The following PLAGL1 variants were observed in gnomAD, a reference collection of about 807,000 sequenced individuals.
PLAGL1 encodes zinc finger protein PLAGL1.
In PLAGL1, 1 loss-of-function variant was observed where a neutral mutation model predicts 4.6. That is an observed-to-expected ratio of 0.22 (90% CI 0.08 to 1.03). The LOEUF (loss-of-function observed/expected upper bound fraction) is 1.03, where lower values mean the gene tolerates loss of function less well. Ranked by LOEUF, PLAGL1 falls within the 50% of genes least tolerant of loss-of-function variation. PLAGL1 has a pLI of 0.58. For synonymous variants in PLAGL1, 240 were observed against 237.8 expected (o/e 1.01, Z -0.08); for missense variants, 464 against 570.4 (o/e 0.81, Z 1.90).
In PLAGL1 at chr6:143,962,889, G is replaced by A. The variant is rs6910132; in HGVS notation, c.-399+1898C>T. 0.043 allele frequency among the ~76,000 whole-genome samples: 6,479 copies of A among 152,276 alleles called. 448 individuals are homozygous for A. Among genetic ancestry groups the A allele is most frequent in the African/African-American group, 0.15 (6,137 of 41,524 alleles). Reference sequence around the variant, plus strand: ...TGAAAGAATCCTCTAGGCTGAAGATGTACAAGGTTTGTTTTTGAAAAGCCT... The same window carrying A: ...TGAAAGAATCCTCTAGGCTGAAGATATACAAGGTTTGTTTTTGAAAAGCCT... On this transcript the variant is annotated intron_variant, in intron 5 of 7. Coordinates refer to ENST00000674357, the MANE Select transcript of PLAGL1 (RefSeq NM_001317162.2). This position sits in a 1 kb window ranked among gnomAD's most constrained non-coding sequence, Gnocchi z 5.3.
At chr6:144,017,188 T>A (rs1795622339) in intron 1 of PLAGL1, among the ~76,000 whole-genome samples, 1 of 152,230 alleles carries the variant, frequency 6.6e-6, no homozygotes, top group African/African-American at 2.4e-5. Context: ...TAAAAACCTG[T>A]ATACATATGT....
In PLAGL1 at chr6:143,941,646, G is replaced by A. The variant is rs17847331; in HGVS notation, c.1170C>T (p.Pro390=). The A allele has an allele frequency of 6.2e-7, 1 of 1,614,048 alleles. No homozygotes were observed. The highest frequency in any genetic ancestry group is 8.5e-7 in the Non-Finnish European group (1 of 1,180,034). ...LSPLLGFWQL[P]PPATQNTFGN... ...CAAAGGTATTTTGGGTAGCAGGAGG[G>A]GGCAGCTGCCAGAAGCCCAACAGGG... Residue 390 remains proline, a synonymous_variant, in exon 8 of 8, where the codon CCC becomes CCT. Transcript: ENST00000674357. The surrounding 1 kb of genome is among the most constrained non-coding windows in gnomAD (Gnocchi z 6.0).
At chr6:143,999,802 AT>A (rs780567756) in intron 1 of PLAGL1, among the ~76,000 whole-genome samples, 1 of 152,228 alleles carries the variant, frequency 6.6e-6, no homozygotes, top group East Asian at 1.9e-4. Context: ...TTTACTTATT[AT>A]GATAATTTAA....
At chr6:144,038,852 T>A (rs946019137) in intron 1 of PLAGL1, among the ~76,000 whole-genome samples, 5 of 152,258 alleles carry the variant, frequency 3.3e-5, no homozygotes, top group East Asian at 1.9e-4. Context: ...GGATGATGAC[T>A]AAATGAAAAA....
Position 143,979,831 on chromosome 6 carries a change from A to G in PLAGL1, c.-544+5304T>C, listed in dbSNP as rs1787515843. Among the ~76,000 whole-genome samples, 1 of 151,516 alleles carries G rather than the reference A, an allele frequency of 6.6e-6. No individual in the cohort carries two copies. ...CAACTGACAATAAATGTGAGAGTTT[A>G]AAAAAAAAGATTTCCTTTAGTATTT... On this transcript the variant is annotated intron_variant, in intron 2 of 7. Coordinates refer to ENST00000674357, the MANE Select transcript of PLAGL1 (RefSeq NM_001317162.2). The surrounding 1 kb of genome is among the most constrained non-coding windows in gnomAD (Gnocchi z 4.6).
In PLAGL1 at chr6:144,055,182, T is replaced by C. The variant is rs202227114; in HGVS notation, c.-151+9286A>G. ...GCACGGAGAGGCATATCCACAGATA[T>C]TCATATCCACAGATATTCATGAAAA... is the stretch of plus-strand genomic sequence containing the variant. On this transcript the variant is annotated intron_variant, in intron 1 of 3. Transcript: ENST00000437412. The surrounding 1 kb of genome is among the most constrained non-coding windows in gnomAD (Gnocchi z 5.0). Among the ~76,000 whole-genome samples the C allele has an allele frequency of 1.1e-4, 12 of 104,940 alleles. No homozygotes were observed. Among genetic ancestry groups the C allele is most frequent in the African/African-American group, 3.3e-4 (12 of 35,846 alleles). 68.8% of individuals were successfully genotyped at this position (104,940 alleles called of 152,430 possible).
intron 2 of PLAGL1, among the ~76,000 whole-genome samples, chr6:143,977,089 C>CA (rs907136237): frequency 6.1e-5 from 9 of 147,774 alleles, no homozygotes; most frequent in South Asian, 2.3e-4. Flanking sequence ...CCCTTCCCCC[C>CA]CCCCAACACA....
rs1798730877 is a variant in PLAGL1 at position 144,053,507 on chromosome 6, T to C, written c.-151+10961A>G. Among the ~76,000 whole-genome samples the C allele has an allele frequency of 6.6e-6, 1 of 152,164 alleles. No individual in the cohort carries two copies. The highest frequency in any genetic ancestry group is 6.5e-5 in the Admixed American group (1 of 15,278). On this transcript the variant is annotated intron_variant, in intron 1 of 3. Transcript: ENST00000437412. This position sits in a 1 kb window ranked among gnomAD's most constrained non-coding sequence, Gnocchi z 4.0. ...TACCACCTATGAGGGATACAAAAGG[T>C]CCCAGTGCTTGCCATCTTAACATGA...
At position 144,028,653 on chromosome 6, in the gene PLAGL1, A is replaced by C. The variant is rs142238322; in HGVS notation, c.-151+35815T>G. ...CCTGATATCCGTCTATAAAAGAAGAAAATCTGGATAAACTAGCTCTATTCA... is the reference window on the plus strand; with the variant it reads ...CCTGATATCCGTCTATAAAAGAAGACAATCTGGATAAACTAGCTCTATTCA... On this transcript the variant is annotated intron_variant, in intron 1 of 3. Transcript: ENST00000437412. 3.6e-4 allele frequency among the ~76,000 whole-genome samples: 55 copies of C among 152,324 alleles called. No homozygotes were observed. The East Asian group carries it at 0.01, about 28-fold the overall frequency.
rs1425950558 is a variant in PLAGL1 at position 143,960,507 on chromosome 6, C to T, written c.-363G>A. The T allele has an allele frequency of 1.3e-5, 2 of 152,186 alleles. No homozygotes were observed. The highest frequency in any genetic ancestry group is 2.9e-5 in the Non-Finnish European group (2 of 68,040). The allele number at this position is 152,186 out of a possible 1,614,324, so 9.4% of individuals were successfully genotyped here. On this transcript the variant is annotated 5_prime_UTR_variant, in exon 6 of 8. Coordinates refer to ENST00000674357, the MANE Select transcript of PLAGL1 (RefSeq NM_001317162.2). The surrounding 1 kb of genome is among the most constrained non-coding windows in gnomAD (Gnocchi z 5.7). ...GGGAACATCTGCTGCGAGGCAGGGA[C>T]CGAGTCCTCCCAGAAGTTTGTCTGA... is the stretch of plus-strand genomic sequence containing the variant.
chr6:143,971,737 GT>G lies in PLAGL1; in HGVS notation c.-543-2760del, dbSNP rs1785463405. 6.6e-6 allele frequency among the ~76,000 whole-genome samples: 1 copy of G among 152,162 alleles called. No homozygotes were observed. The highest frequency in any genetic ancestry group is 6.6e-5 in the Admixed American group (1 of 15,266). Reference sequence around the variant, plus strand: ...CTGGTTAAAGAAATTGTCAAGGGAGGTTTTGACTTTTGCTATTATTTAACAT... The same window carrying G: ...CTGGTTAAAGAAATTGTCAAGGGAGGTTTGACTTTTGCTATTATTTAACAT... On this transcript the variant is annotated intron_variant, in intron 2 of 7. Transcript: ENST00000674357. This position sits in a 1 kb window ranked among gnomAD's most constrained non-coding sequence, Gnocchi z 4.7.
rs1336741790 is a variant in PLAGL1 at position 143,949,131 on chromosome 6, C to G, written c.-324-671G>C. On this transcript the variant is annotated intron_variant, in intron 6 of 7. Transcript: ENST00000674357. This position sits in a 1 kb window ranked among gnomAD's most constrained non-coding sequence, Gnocchi z 5.3. ...TGTAGGCACCATCCTCTAGTAAGTTCTACTAATCTCTTCCTTTTTTGTTTA... is the reference window on the plus strand; with the variant it reads ...TGTAGGCACCATCCTCTAGTAAGTTGTACTAATCTCTTCCTTTTTTGTTTA... Among the ~76,000 whole-genome samples, 1 of 152,178 alleles carries G rather than the reference C, an allele frequency of 6.6e-6. No homozygotes were observed. Among genetic ancestry groups the G allele is most frequent in the Non-Finnish European group, 1.5e-5 (1 of 68,026 alleles).
At chr6:144,009,424 TTTTCTC>T (rs1435061712), upstream of PLAGL1, among the ~76,000 whole-genome samples, 1 of 152,210 alleles carries the variant, frequency 6.6e-6, no homozygotes, top group Admixed American at 6.5e-5. Context: ...GATCTGGTGT[TTTTCTC>T]TATACATAAA....
chr6:144,012,034 C>T (rs774389137), upstream of PLAGL1, among the ~76,000 whole-genome samples: 40 of 152,126 alleles, frequency 2.6e-4, no homozygotes, highest in Admixed American at 2.3e-3. The surrounding 1 kb of genome is among the most constrained non-coding windows in gnomAD (Gnocchi z 4.8). Flanking sequence ...TGTCTTGCAG[C>T]GGTGGGTGGA....
rs9496844 is a variant in PLAGL1, at chr6:144,034,976, A to G, written c.-151+29492T>C. 0.028 allele frequency among the ~76,000 whole-genome samples: 4,334 copies of G among 152,254 alleles called. 230 individuals are homozygous for G. Among genetic ancestry groups the G allele is most frequent in the African/African-American group, 0.097 (4,044 of 41,532 alleles). ...AAATAAGGTAAATTGATGGATGGGT[A>G]TGTAATACATTGAGAACAGTTAAAT... is the stretch of plus-strand genomic sequence containing the variant. On this transcript the variant is annotated intron_variant, in intron 1 of 3. Transcript: ENST00000437412. The surrounding 1 kb of genome is among the most constrained non-coding windows in gnomAD (Gnocchi z 4.7).
intron 2 of PLAGL1, among the ~76,000 whole-genome samples, chr6:143,974,110 C>G (rs952342259): frequency 1.3e-5 from 2 of 152,116 alleles, no homozygotes; most frequent in Admixed American, 1.3e-4. Flanking sequence ...GTTACCTACA[C>G]GGAACAAATA....
rs1223620808 is a variant in PLAGL1, at chr6:143,955,606, A to G, written c.-325+4863T>C. On this transcript the variant is annotated intron_variant, in intron 6 of 7. Transcript: ENST00000674357. The surrounding 1 kb of genome is among the most constrained non-coding windows in gnomAD (Gnocchi z 4.9). Reference sequence around the variant, plus strand: ...GTGATTGTGAGCCTCAAAGGGCCACAGAAAACTGACAAAACCAAACTACCA... The same window carrying G: ...GTGATTGTGAGCCTCAAAGGGCCACGGAAAACTGACAAAACCAAACTACCA... Among the ~76,000 whole-genome samples the G allele has an allele frequency of 2.0e-5, 3 of 152,150 alleles. No homozygotes were observed. The highest frequency in any genetic ancestry group is 4.4e-5 in the Non-Finnish European group (3 of 68,034).
In PLAGL1 at chr6:143,948,158, C is replaced by T. The variant is rs1246037750; in HGVS notation, c.-22G>A. The stretch of plus-strand genomic sequence containing the variant: ...CCATGGGCTTTGCTTCTCACACCTT[C>T]CTTTTCAGATGTGCTGACCAAATGC... On this transcript the variant is annotated 5_prime_UTR_variant, in exon 7 of 8. Coordinates refer to ENST00000674357, the MANE Select transcript of PLAGL1 (RefSeq NM_001317162.2). This position sits in a 1 kb window ranked among gnomAD's most constrained non-coding sequence, Gnocchi z 6.0. 1 of 1,609,718 alleles carries T rather than the reference C, an allele frequency of 6.2e-7. No individual in the cohort carries two copies. The highest frequency in any genetic ancestry group is 2.2e-5 in the East Asian group (1 of 44,830).
chr6:144,022,822 T>C lies in PLAGL1; in HGVS notation c.-151+41646A>G, dbSNP rs148265416. 1.9e-4 allele frequency among the ~76,000 whole-genome samples: 29 copies of C among 152,336 alleles called. No homozygotes were observed. Among genetic ancestry groups the C allele is most frequent in the Middle Eastern group, 3.4e-3 (1 of 294 alleles). The stretch of plus-strand genomic sequence containing the variant: ...AATTATGCAGTCTCAGGTATGTCTT[T>C]ATTGCAGCATGAGAACAGACTAATA... On this transcript the variant is annotated intron_variant, in intron 1 of 3. Coordinates refer to the PLAGL1 transcript ENST00000437412. This position sits in a 1 kb window ranked among gnomAD's most constrained non-coding sequence, Gnocchi z 4.2.
Sources: gnomAD v4.1 joint callset for allele counts (sites outside exome capture counted in the v4.1 genomes callset) on GRCh38, gnomAD v4.1.1 for gene constraint, Gnocchi (gnomAD v3.1) non-coding constraint, MANE v1.5 for transcripts, NCBI Gene and HGNC (gene_info 2026-07-23, HGNC 2026-07-21) for gene names.